Variants in TMPRSS2 observed in about 807,000 individuals in gnomAD.
The protein encoded by TMPRSS2 is transmembrane serine protease 2.
In TMPRSS2, 59 loss-of-function variants were observed where a neutral mutation model predicts 67.4. The ratio of observed to expected loss-of-function variants is 0.88; its 90% CI spans 0.71 to 1.09. The LOEUF (loss-of-function observed/expected upper bound fraction) is 1.09. Ranked by LOEUF, TMPRSS2 falls within the 50% of genes least tolerant of loss-of-function variation. The probability of loss-of-function intolerance (pLI) is 0.00; values close to 1 mark genes in which losing one functional copy is unlikely to be tolerated. For missense variants in TMPRSS2, 668 were observed against 642.7 expected (o/e 1.04, Z -0.43); for synonymous variants, 257 against 257.0 (o/e 1.00, Z 0.00).
At chr21:41,507,653 AC>A (rs2091467576) in intron 1 of TMPRSS2, among the ~76,000 whole-genome samples, 1 of 152,166 alleles carries the variant, frequency 6.6e-6, no homozygotes, top group East Asian at 1.9e-4. Context: ...AAAGAAGCCA[AC>A]CGACAGCACT....
chr21:41,499,046 C>G (rs1045980619), intron 1 of TMPRSS2, among the ~76,000 whole-genome samples: 1 of 151,870 alleles, frequency 6.6e-6, no homozygotes, highest in African/African-American at 2.4e-5. Context: ...ATACAGCTCA[C>G]AGTTGACTTT....
intron 8 of TMPRSS2, among the ~76,000 whole-genome samples, chr21:41,476,262 C>A (rs977826726): frequency 6.6e-6 from 1 of 152,206 alleles, no homozygotes; most frequent in Admixed American, 6.5e-5. Flanking sequence ...TAACGCCACC[C>A]CCCTTTGCTT....
intron 4 of TMPRSS2, among the ~76,000 whole-genome samples, chr21:41,489,063 G>A (rs2146468443): frequency 6.6e-6 from 1 of 152,312 alleles, no homozygotes; most frequent in East Asian, 1.9e-4. Flanking sequence ...TTTGGGTTTG[G>A]ACGGCACTCA....
intron 5 of TMPRSS2, among the ~76,000 whole-genome samples, chr21:41,484,830 T>C (rs565946159): frequency 2.0e-5 from 3 of 151,936 alleles, no homozygotes; most frequent in South Asian, 2.1e-4. Context: ...TAATGGTGCG[T>C]CCATGCAAAG....
chr21:41,494,421 G>T lies in TMPRSS2; in HGVS notation c.173C>A (p.Thr58Lys). 1 of 1,612,258 alleles carries T rather than the reference G, an allele frequency of 6.2e-7. No individual in the cohort carries two copies. Among genetic ancestry groups the T allele is most frequent in the Non-Finnish European group, 8.5e-7 (1 of 1,179,508 alleles). Residue 58 changes from threonine to lysine, a missense_variant, in exon 3 of 14, where the codon ACG becomes AAG. Thr to Lys is a moderately conservative substitution (Grantham distance 78, BLOSUM62 -1). Coordinates refer to ENST00000332149, the MANE Select transcript of TMPRSS2 (RefSeq NM_005656.4). ...PVPQYAPRVL[T>K]QASNPVVCTQ... is the part of the protein sequence containing the mutation. ...GCAGACGACGGGGTTGGAAGCCTGC[G>T]TCAGGACCCTCGGGGCGTACTGGGG...
intron 1 of TMPRSS2, chr21:41,507,875 G>A (rs2091469355): frequency 1.4e-6 from 2 of 1,463,348 alleles, no homozygotes; most frequent in Admixed American, 2.2e-5. Flanking sequence ...GGTCCCAGGC[G>A]CCCAGCACTC....
intron 3 of TMPRSS2, among the ~76,000 whole-genome samples, chr21:41,489,922 T>C (rs1170915608): frequency 6.6e-6 from 1 of 151,874 alleles, no homozygotes; most frequent in Non-Finnish European, 1.5e-5. Context: ...CTGAGGTGGG[T>C]GGATCACTTG....
At chr21:41,481,344 G>A (rs908126406) in intron 5 of TMPRSS2, among the ~76,000 whole-genome samples, 3 of 152,140 alleles carry the variant, frequency 2.0e-5, no homozygotes, top group Non-Finnish European at 2.9e-5. Flanking sequence ...TGCATGAGCC[G>A]ACTCACATGG....
chr21:41,489,557 C>T lies in TMPRSS2; in HGVS notation c.275G>A (p.Gly92Glu). 1 of 1,613,998 alleles carries T rather than the reference C, an allele frequency of 6.2e-7. No homozygotes were observed. Residue 92 changes from glycine to glutamate, a missense_variant, in exon 4 of 14, where the codon GGG becomes GAG. Transcript: ENST00000332149. ...CAGCGCAGCTCCCACGAGGAAGGTC[C>T]CCAGGGTCAAGGTGATGCACAGTGC... is the stretch of plus-strand genomic sequence containing the variant. ...KKALCITLTL[G>E]TFLVGAALAA...
Position 41,494,477 on chromosome 21 carries a change from C to T in TMPRSS2, c.117G>A (p.Val39=), listed in dbSNP as rs765086015. Residue 39 remains valine, a synonymous_variant, in exon 3 of 14, where the codon GTG becomes GTA. Transcript: ENST00000332149. ...GGGACGGGTAGTACTGAGCCGGATG[C>T]ACCTCGTAGACAGTGGGGACCACAG... ...QPTVVPTVYE[V]HPAQYYPSPV... 6.2e-7 allele frequency: 1 copy of T among 1,614,016 alleles called. No homozygotes were observed. Among genetic ancestry groups the T allele is most frequent in the South Asian group, 1.1e-5 (1 of 91,048 alleles).
chr21:41,493,470 A>G (rs1417874191), intron 3 of TMPRSS2, among the ~76,000 whole-genome samples: 1 of 152,212 alleles, frequency 6.6e-6, no homozygotes, highest in Non-Finnish European at 1.5e-5. Context: ...AATCACGTTG[A>G]TGACTGATTA....
In TMPRSS2 at chr21:41,489,560, A is replaced by C. The variant is rs147711290; in HGVS notation, c.272T>G (p.Leu91Arg). 1 of 1,614,200 alleles carries C rather than the reference A, an allele frequency of 6.2e-7. No individual in the cohort carries two copies. Among genetic ancestry groups the C allele is most frequent in the South Asian group, 1.1e-5 (1 of 91,084 alleles). The change falls in exon 4 of 14, where the codon CTG becomes CGG. Residue 91 changes from leucine to arginine, a missense_variant. By Grantham distance (102) the Leu-to-Arg change is moderately radical. Coordinates refer to ENST00000332149, the MANE Select transcript of TMPRSS2 (RefSeq NM_005656.4). ...CGCAGCTCCCACGAGGAAGGTCCCC[A>C]GGGTCAAGGTGATGCACAGTGCTTT... is the stretch of plus-strand genomic sequence containing the variant. ...TKKALCITLT[L>R]GTFLVGAALA...
chr21:41,504,442 A>G (rs77473081), intron 1 of TMPRSS2, among the ~76,000 whole-genome samples: 2 of 152,044 alleles, frequency 1.3e-5, no homozygotes, highest in Non-Finnish European at 2.9e-5. Flanking sequence ...AAAAGTAACC[A>G]CCCACACCCC....
Position 41,465,999 on chromosome 21 carries a change from G to T in TMPRSS2, c.*143C>A. 9.9e-7 allele frequency: 1 copy of T among 1,008,522 alleles called. No individual in the cohort carries two copies. Among genetic ancestry groups the T allele is most frequent in the Non-Finnish European group, 1.5e-6 (1 of 666,692 alleles). 62.5% of individuals were successfully genotyped at this position (1,008,522 alleles called of 1,614,324 possible). On this transcript the variant is annotated 3_prime_UTR_variant, in exon 14 of 14. Transcript: ENST00000332149. The stretch of plus-strand genomic sequence containing the variant: ...ACTGCAGCCTGCACAGAATGGCAGA[G>T]AGTGCCAAAGCCAGACAAGTTCACT...
chr21:41,504,571 T>G lies in TMPRSS2; in HGVS notation c.-57+3510A>C, dbSNP rs2091444960. Among the ~76,000 whole-genome samples, 3 of 152,180 alleles carry G rather than the reference T, an allele frequency of 2.0e-5. No individual in the cohort carries two copies. In the South Asian group the frequency reaches 6.2e-4, roughly 31 times the overall value. On this transcript the variant is annotated intron_variant, in intron 1 of 13. Transcript: ENST00000332149. ...TCCCAGATCAGGCTCTGCCTCCTCC[T>G]GGAGCCCAGCCTCTGTTCTAGGTCA...
chr21:41,503,162 T>C (rs142914234), intron 1 of TMPRSS2, among the ~76,000 whole-genome samples: 235 of 152,158 alleles, frequency 1.5e-3, no homozygotes, highest in African/African-American at 4.8e-3. Flanking sequence ...ATGAGTAAGA[T>C]GAAATTTAGC....
At chr21:41,491,801 T>C (rs1370856772) in intron 3 of TMPRSS2, among the ~76,000 whole-genome samples, 1 of 152,234 alleles carries the variant, frequency 6.6e-6, no homozygotes, top group Non-Finnish European at 1.5e-5. Flanking sequence ...TTTACTTTGC[T>C]GGACAGGCAT....
At position 41,473,393 on chromosome 21, in the gene TMPRSS2, G is replaced by T. The variant is rs532756922; in HGVS notation, c.831C>A (p.Asn277Lys). The change falls in exon 9 of 14, where the codon AAC (asparagine) becomes AAA (lysine). Residue 277 changes from asparagine to lysine, a missense_variant. Coordinates refer to ENST00000332149, the MANE Select transcript of TMPRSS2 (RefSeq NM_005656.4). ...WPWQVSLHVQ[N>K]VHVCGGSIIT... The stretch of plus-strand genomic sequence containing the variant: ...TGATGGAGCCTCCGCACACGTGGAC[G>T]TTCTGGACGTGCAGGCTGACCTGCC... 1 of 1,610,166 alleles carries T rather than the reference G, an allele frequency of 6.2e-7. No individual in the cohort carries two copies.
chr21:41,466,433 C>T (rs765532151), intron 13 of TMPRSS2, among the ~76,000 whole-genome samples: 1 of 152,208 alleles, frequency 6.6e-6, no homozygotes, highest in Admixed American at 6.5e-5. Flanking sequence ...TGCCACGCAG[C>T]CCTTCCCTCC....
Sources: gnomAD v4.1 joint callset for allele counts (sites outside exome capture counted in the v4.1 genomes callset) on GRCh38, gnomAD v4.1.1 for gene constraint, MANE v1.5 for transcripts, NCBI Gene and HGNC (gene_info 2026-07-23, HGNC 2026-07-21) for gene names.